MYLK: variants seen among roughly 807,000 people sequenced by gnomAD.
The protein encoded by MYLK is myosin light chain kinase.
In MYLK, 106 loss-of-function variants were observed where a neutral mutation model predicts 203.4. That is an observed-to-expected ratio of 0.52 (90% CI 0.45 to 0.61). The LOEUF (loss-of-function observed/expected upper bound fraction) is 0.61. Ranked by LOEUF, MYLK falls within the 20% of genes least tolerant of loss-of-function variation. MYLK has a pLI of 0.00. For synonymous variants in MYLK, 867 were observed against 959.5 expected, an observed-to-expected ratio of 0.90 and a Z score of 1.78; for missense variants, 2,072 against 2,442.3, an observed-to-expected ratio of 0.85 and a Z score of 3.20.
intron 4 of MYLK, among the ~76,000 whole-genome samples, chr3:123,761,351 T>C (rs2063527299): frequency 6.6e-6 from 1 of 152,222 alleles, no homozygotes; most frequent in African/African-American, 2.4e-5. Flanking sequence ...AGCCTGTCTC[T>C]GTGACCCAAC....
intron 24 of MYLK, among the ~76,000 whole-genome samples, chr3:123,655,019 C>G (rs116312720): frequency 0.025 from 3,731 of 152,142 alleles, 143 homozygotes; most frequent in African/African-American, 0.082. Flanking sequence ...CGCCCGGCCT[C>G]TTATCCTAAA....
intron 2 of MYLK, chr3:123,835,989 A>G (rs1374880985): frequency 6.6e-6 from 1 of 152,216 alleles, no homozygotes; most frequent in Non-Finnish European, 1.5e-5. Flanking sequence ...TTCCCTACTC[A>G]GTCTATTAGC....
chr3:123,618,740 A>G lies in MYLK; in HGVS notation c.5399T>C (p.Val1800Ala). ...EDVSQAFLEA[V>A]AEEKPHVKPY... ...TTTTACATGAGGCTTTTCCTCAGCAACAGCCTCAAGGAAAGCTTGGGACAC... is the reference window on the plus strand; with the variant it reads ...TTTTACATGAGGCTTTTCCTCAGCAGCAGCCTCAAGGAAAGCTTGGGACAC... The change falls in exon 33 of 34, where the codon GTT (valine) becomes GCT (alanine). Residue 1800 changes from valine to alanine, a missense_variant. By Grantham distance (64) the Val-to-Ala change is moderately conservative. Around this residue, in one of 3 missense-constraint regions of MYLK, gnomAD observed 524 missense variants for 782.4 expected, o/e 0.67. Transcript: ENST00000360304. The G allele has an allele frequency of 6.2e-7, 1 of 1,614,184 alleles. No individual in the cohort carries two copies. The highest frequency in any genetic ancestry group is 1.1e-5 in the South Asian group (1 of 91,076).
At chr3:123,845,269 T>C (rs2066686596) in intron 2 of MYLK, among the ~76,000 whole-genome samples, 1 of 152,148 alleles carries the variant, frequency 6.6e-6, no homozygotes, top group South Asian at 2.1e-4. Context: ...AAATGACCCA[T>C]GAAATTGGAA....
At chr3:123,619,950 G>A (rs559289829) in intron 32 of MYLK, among the ~76,000 whole-genome samples, 15 of 152,104 alleles carry the variant, frequency 9.9e-5, no homozygotes, top group African/African-American at 3.6e-4. Flanking sequence ...ATATGAAAAA[G>A]CATAGCTGAG....
chr3:123,760,336 G>A (rs766848045), intron 4 of MYLK, among the ~76,000 whole-genome samples: 3 of 152,086 alleles, frequency 2.0e-5, no homozygotes, highest in Non-Finnish European at 2.9e-5. Context: ...GCACCACCAC[G>A]CCCAGCTAAT....
intron 27 of MYLK, among the ~76,000 whole-genome samples, chr3:123,644,855 T>C (rs1416430567): frequency 6.6e-6 from 1 of 152,198 alleles, no homozygotes; most frequent in Non-Finnish European, 1.5e-5. Context: ...CACCGCGTCT[T>C]TTATGGTTCC....
chr3:123,739,660 T>C (rs2062797686), intron 6 of MYLK, among the ~76,000 whole-genome samples: 1 of 152,246 alleles, frequency 6.6e-6, no homozygotes, highest in Non-Finnish European at 1.5e-5. Context: ...CCGCCTCTTC[T>C]AGGCTTGCTT....
chr3:123,631,766 T>A (rs1252899387), intron 29 of MYLK, among the ~76,000 whole-genome samples: 1 of 152,176 alleles, frequency 6.6e-6, no homozygotes, highest in African/African-American at 2.4e-5. Context: ...AAGAGAATCA[T>A]TCTCGGTCAT....
chr3:123,624,869 C>T (rs1453074394), intron 31 of MYLK: 3 of 152,186 alleles, frequency 2.0e-5, no homozygotes, highest in Non-Finnish European at 4.4e-5. Context: ...CACTTGTGGC[C>T]CCCATTCGCC....
At chr3:123,643,919 G>C (rs929973639) in intron 27 of MYLK, among the ~76,000 whole-genome samples, 1 of 152,204 alleles carries the variant, frequency 6.6e-6, no homozygotes, top group African/African-American at 2.4e-5. Context: ...ACTTCACATT[G>C]TCTTCAATGC....
chr3:123,810,897 C>T (rs916629901), intron 3 of MYLK, among the ~76,000 whole-genome samples: 5 of 152,206 alleles, frequency 3.3e-5, no homozygotes, highest in South Asian at 2.1e-4. Context: ...TAACAGAGAT[C>T]GACACACTTT....
chr3:123,613,737 C>T lies in MYLK; in HGVS notation c.*368G>A, dbSNP rs1299966468. ...GAACCCTCTGGGCTGAGCTGTGGCC[C>T]AGAACTCTTGTTTTGGCCTTATTTT... On this transcript the variant is annotated 3_prime_UTR_variant, in exon 34 of 34. Coordinates refer to ENST00000360304, the MANE Select transcript of MYLK (RefSeq NM_053025.4). 3.2e-6 allele frequency: 1 copy of T among 312,086 alleles called. No individual in the cohort carries two copies. Among genetic ancestry groups the T allele is most frequent in the Non-Finnish European group, 6.1e-6 (1 of 162,866 alleles). 19.3% of individuals were successfully genotyped at this position (312,086 alleles called of 1,614,324 possible).
chr3:123,861,807 A>T (rs2031949861), intron 2 of MYLK, among the ~76,000 whole-genome samples: 2 of 152,180 alleles, frequency 1.3e-5, no homozygotes, highest in Admixed American at 6.5e-5. Flanking sequence ...CAAAATGTCA[A>T]TCCTACAAAC....
chr3:123,753,283 A>AC (rs1273825490), intron 4 of MYLK, among the ~76,000 whole-genome samples: 1 of 152,224 alleles, frequency 6.6e-6, no homozygotes, highest in Non-Finnish European at 1.5e-5. Flanking sequence ...AAATGTATTC[A>AC]GATTAATTTC....
intron 2 of MYLK, among the ~76,000 whole-genome samples, chr3:123,837,915 C>A (rs916795022): frequency 1.3e-5 from 2 of 151,970 alleles, no homozygotes; most frequent in Non-Finnish European, 2.9e-5. Flanking sequence ...AACAAAGAAT[C>A]TAAAAGCTAT....
rs576849217 is a variant in MYLK, at chr3:123,784,376, CTTTTTTTTTTTTT to C, written c.165+9288_165+9300del. Among the ~76,000 whole-genome samples, 53 of 78,696 alleles carry C rather than the reference CTTTTTTTTTTTTT, an allele frequency of 6.7e-4. 3 individuals carry two copies. The South Asian group carries it at 0.022, about 33-fold the overall frequency. The allele number at this position is 78,696 out of a possible 152,430, so 51.6% of individuals were successfully genotyped here. On this transcript the variant is annotated intron_variant, in intron 4 of 33. Coordinates refer to ENST00000360304, the MANE Select transcript of MYLK (RefSeq NM_053025.4). ...CAAATACGGCTCATGGGTTGACTTT[CTTTTTTTTTTTTT>C]TTTTTTTTTTTTTTACCTCTGTCAT...
intron 2 of MYLK, among the ~76,000 whole-genome samples, chr3:123,853,521 C>T (rs2031054697): frequency 6.6e-6 from 1 of 152,254 alleles, no homozygotes; most frequent in South Asian, 2.1e-4. Flanking sequence ...CCAGTAACTG[C>T]TATGTGCCTT....
rs150354412 is a variant in MYLK, at chr3:123,881,927, C to T, written c.-186+2279G>A. Among the ~76,000 whole-genome samples the T allele has an allele frequency of 1.2e-3, 176 of 152,284 alleles. 3 individuals are homozygous for T. The East Asian group carries it at 0.024, about 21-fold the overall frequency. On this transcript the variant is annotated intron_variant, in intron 1 of 33. Transcript: ENST00000360304. ...ACAAGCCTTCTCAGCAGATTACCCC[C>T]GCCACCTGCCAGCCAGGAGCCCCTC...
Sources: allele counts gnomAD v4.1 joint callset (sites outside exome capture counted in the v4.1 genomes callset), GRCh38; gene constraint gnomAD v4.1.1; regional missense constraint gnomAD v4.1.1; transcripts MANE v1.5; gene names NCBI Gene and HGNC (gene_info 2026-07-23, HGNC 2026-07-21).